Variants in LRP4 observed in about 807,000 individuals in gnomAD.
LRP4 encodes LDL receptor related protein 4.
LRP4 carries 95 observed loss-of-function variants against 220.3 expected under a neutral mutation model. The observed-to-expected ratio is 0.43, with a 90% confidence interval of 0.37 to 0.51. LRP4 has a LOEUF of 0.51. Among genes scored for constraint, LRP4 ranks in the 20% least tolerant of loss-of-function variants. The probability of loss-of-function intolerance (pLI) is 0.00; values close to 1 mark genes in which losing one functional copy is unlikely to be tolerated. For missense variants in LRP4, 1,925 were observed against 2,567.0 expected, an observed-to-expected ratio of 0.75 and a Z score of 5.40; for synonymous variants, 903 against 954.6, an observed-to-expected ratio of 0.95 and a Z score of 1.00.
At position 46,899,725 on chromosome 11, in the gene LRP4, C is replaced by A. The variant is rs1172166938; in HGVS notation, c.430+138G>T. ...CTGGGGGGTCTGAGCGGCTCTGCCC[C>A]CTCTGCGTTCCTCTAGCTGCTCCAG... On this transcript the variant is annotated intron_variant, in intron 4 of 37. Coordinates refer to ENST00000378623, the MANE Select transcript of LRP4 (RefSeq NM_002334.4). This position sits in a 1 kb window ranked among gnomAD's most constrained non-coding sequence, Gnocchi z 5.9. The A allele has an allele frequency of 1.3e-5, 11 of 841,838 alleles. No homozygotes were observed. Among genetic ancestry groups the A allele is most frequent in the Middle Eastern group, 4.3e-4 (2 of 4,626 alleles). The allele number at this position is 841,838 out of a possible 1,614,324, so 52.1% of individuals were successfully genotyped here. A position where few individuals can be genotyped will look rare whatever the true frequency, so the allele number is the denominator to read the frequency against.
rs1165167311 is a variant in LRP4 at position 46,898,848 on chromosome 11, C to G, written c.676+56G>C. On this transcript the variant is annotated intron_variant, in intron 6 of 37. Coordinates refer to ENST00000378623, the MANE Select transcript of LRP4 (RefSeq NM_002334.4). ...CCAGCTGGCGACTGTGCCTTGCCAC[C>G]CAAGCAGTTCTTCCCAGCCTGGCCT... 4 of 1,612,804 alleles carry G rather than the reference C, an allele frequency of 2.5e-6. No individual in the cohort carries two copies. The East Asian group carries it at 8.9e-5, about 36-fold the overall frequency.
chr11:46,895,845 C>G (rs767614166), intron 10 of LRP4, 39 bp downstream of exon 10: 1 of 1,606,554 alleles, frequency 6.2e-7, no homozygotes, highest in Admixed American at 1.7e-5. Context: ...TGCCCCTGCT[C>G]AGAACCCCGA....
Position 46,857,157 on chromosome 11 carries a change from A to C in LRP4, c.*1826T>G, listed in dbSNP as rs1419010521. On this transcript the variant is annotated 3_prime_UTR_variant, in exon 38 of 38. Coordinates refer to ENST00000378623, the MANE Select transcript of LRP4 (RefSeq NM_002334.4). ...CCAATCAAGAAAATGCCACTTTTCT[A>C]CTTGCTCTTCCTCCCCAGACGTGAG... 1 of 145,066 alleles carries C rather than the reference A, an allele frequency of 6.9e-6. No individual in the cohort carries two copies. Among genetic ancestry groups the C allele is most frequent in the Non-Finnish European group, 1.5e-5 (1 of 67,996 alleles). 9.0% of individuals were successfully genotyped at this position (145,066 alleles called of 1,614,324 possible). A position where few individuals can be genotyped will look rare whatever the true frequency, so the allele number is the denominator to read the frequency against.
At position 46,873,557 on chromosome 11, in the gene LRP4, C is replaced by A; in HGVS notation, c.4266G>T (p.Val1422=). ...ADLNGSNMET[V]IGRGLKTTDG... The stretch of plus-strand genomic sequence containing the variant: ...CAGTGGTCTTCAGCCCTCGCCCGAT[C>A]ACTGTCTCCATGTTGCTGCCGTTCA... The change falls in exon 29 of 38, where the codon GTG becomes GTT. Residue 1422 remains valine (V), a synonymous_variant. Coordinates refer to ENST00000378623, the MANE Select transcript of LRP4 (RefSeq NM_002334.4). The surrounding 1 kb of genome is among the most constrained non-coding windows in gnomAD (Gnocchi z 4.2). 1 of 1,613,972 alleles carries A rather than the reference C, an allele frequency of 6.2e-7. No individual in the cohort carries two copies. The highest frequency in any genetic ancestry group is 8.5e-7 in the Non-Finnish European group (1 of 1,179,846).
In LRP4 at chr11:46,896,191, GC is replaced by G. The variant is rs1565797480; in HGVS notation, c.1048+18del. The G allele has an allele frequency of 6.2e-7, 1 of 1,613,054 alleles. No individual in the cohort carries two copies. The highest frequency in any genetic ancestry group is 1.3e-5 in the African/African-American group (1 of 74,924). Reference sequence around the variant, plus strand: ...CGGCCACAAACCATGGGCCAGGTCCGCCCACTGGGGACACTCACGGCAATTC... The same window carrying G: ...CGGCCACAAACCATGGGCCAGGTCCGCCACTGGGGACACTCACGGCAATTC... On this transcript the variant is annotated intron_variant, in intron 9 of 37. Coordinates refer to ENST00000378623, the MANE Select transcript of LRP4 (RefSeq NM_002334.4).
chr11:46,862,719 C>T lies in LRP4; in HGVS notation c.5272G>A (p.Gly1758Arg). ...RHKKSKFTDP[G>R]MGNLTYSNPS... ...TTGCTGTAGGTGAGGTTCCCCATTC[C>T]AGGATCAGTGAACTTGGATTTTTTG... The change falls in exon 37 of 38, where the codon GGA becomes AGA. Residue 1758 changes from glycine (G) to arginine (R), a missense_variant. Transcript: ENST00000378623. 6.2e-7 allele frequency: 1 copy of T among 1,613,970 alleles called. No individual in the cohort carries two copies. Among genetic ancestry groups the T allele is most frequent in the Non-Finnish European group, 8.5e-7 (1 of 1,179,984 alleles).
chr11:46,891,263 G>A (rs1329932447), intron 13 of LRP4, among the ~76,000 whole-genome samples: 1 of 151,964 alleles, frequency 6.6e-6, no homozygotes. Flanking sequence ...ACAGGCACCC[G>A]CCACCATGCC....
rs571233806 is a variant in LRP4 at position 46,875,234 on chromosome 11, A to G, written c.3926-131T>C. The G allele has an allele frequency of 2.9e-6, 3 of 1,020,354 alleles. No individual in the cohort carries two copies. The highest frequency in any genetic ancestry group is 1.6e-5 in the African/African-American group (1 of 63,214). The allele number at this position is 1,020,354 out of a possible 1,614,324, so 63.2% of individuals were successfully genotyped here. On this transcript the variant is annotated intron_variant, in intron 27 of 37. Transcript: ENST00000378623. This position sits in a 1 kb window ranked among gnomAD's most constrained non-coding sequence, Gnocchi z 4.5. ...GATTCAGTGCCTGGCAGGGTGAGGTAGAAGGAGGGTCTGCAGGAGGATCTC... is the reference window on the plus strand; with the variant it reads ...GATTCAGTGCCTGGCAGGGTGAGGTGGAAGGAGGGTCTGCAGGAGGATCTC...
rs370400458 is a variant in LRP4, at chr11:46,883,983, A to G, written c.2507-7T>C. ...ACTTCAATCCGGTCTGTACCTATCA[A>G]GAAGGGATACAGAGATTAATTCTAG... On this transcript the variant is annotated splice_polypyrimidine_tract_variant and splice_region_variant and intron_variant, in intron 18 of 37. Transcript: ENST00000378623. The G allele has an allele frequency of 3.1e-6, 5 of 1,601,982 alleles. No individual in the cohort carries two copies. The highest frequency in any genetic ancestry group is 4.3e-6 in the Non-Finnish European group (5 of 1,169,014).
chr11:46,862,321 A>AT (rs1940578969), intron 37 of LRP4, among the ~76,000 whole-genome samples: 1 of 152,056 alleles, frequency 6.6e-6, no homozygotes, highest in African/African-American at 2.4e-5. Context: ...GAAAGAACCT[A>AT]TAAGCTTGGA....
At chr11:46,860,940 A>G (rs954418833) in intron 37 of LRP4, 3 of 985,056 alleles carry the variant, frequency 3.0e-6, no homozygotes, top group Non-Finnish European at 3.6e-6. Context: ...TGAAATCAAG[A>G]GGAAATCAGA....
At chr11:46,886,655 C>G in intron 16 of LRP4, 122 bp from the exon 17 acceptor site, 1 of 811,394 alleles carries the variant, frequency 1.2e-6, no homozygotes, top group Non-Finnish European at 2.1e-6. Flanking sequence ...GTGCCCTTTG[C>G]CCCCTATACT....
intron 1 of LRP4, among the ~76,000 whole-genome samples, chr11:46,904,136 G>A (rs1021650618): frequency 4.6e-5 from 7 of 152,206 alleles, no homozygotes; most frequent in Non-Finnish European, 8.8e-5. Context: ...GGAGGGGGCC[G>A]CAGCGCATGG....
At position 46,873,735 on chromosome 11, in the gene LRP4, A is replaced by G; in HGVS notation, c.4230-142T>C. ...CCAGGTATCTATGAGTACATTCCTC[A>G]GCACCCAGCATGATAGATGTTCAAT... is the stretch of plus-strand genomic sequence containing the variant. On this transcript the variant is annotated intron_variant, in intron 28 of 37. Coordinates refer to ENST00000378623, the MANE Select transcript of LRP4 (RefSeq NM_002334.4). This position sits in a 1 kb window ranked among gnomAD's most constrained non-coding sequence, Gnocchi z 4.2. 1 of 630,608 alleles carries G rather than the reference A, an allele frequency of 1.6e-6. No individual in the cohort carries two copies. Among genetic ancestry groups the G allele is most frequent in the East Asian group, 2.7e-5 (1 of 37,160 alleles). The allele number at this position is 630,608 out of a possible 1,614,324, so 39.1% of individuals were successfully genotyped here.
rs1940448132 is a variant in LRP4, at chr11:46,858,765, T to C, written c.*218A>G. ...ACAAGATGTGAGGTTCATGGTAAAA[T>C]CCAGGTCTAAATTCTCGTGATGTGC... On this transcript the variant is annotated 3_prime_UTR_variant, in exon 38 of 38. Coordinates refer to ENST00000378623, the MANE Select transcript of LRP4 (RefSeq NM_002334.4). 16 of 609,922 alleles carry C rather than the reference T, an allele frequency of 2.6e-5. No individual in the cohort carries two copies. In the South Asian group the frequency reaches 2.9e-4, roughly 11 times the overall value. The allele number at this position is 609,922 out of a possible 1,614,324, so 37.8% of individuals were successfully genotyped here.
At chr11:46,860,529 C>A (rs1456437193) in intron 37 of LRP4, among the ~76,000 whole-genome samples, 2 of 152,148 alleles carry the variant, frequency 1.3e-5, no homozygotes, top group Admixed American at 1.3e-4. Context: ...GAAAATGGAT[C>A]ATCTTGGGTT....
Position 46,890,763 on chromosome 11 carries a change from T to C in LRP4, c.1698-269A>G, listed in dbSNP as rs1256957863. On this transcript the variant is annotated intron_variant, in intron 13 of 37. Transcript: ENST00000378623. This position sits in a 1 kb window ranked among gnomAD's most constrained non-coding sequence, Gnocchi z 5.3. ...AGCTAGTATCGCTACACCTAACTAA[T>C]TTTTTTTTGTAGTAGAGATGAGGTC... 6.6e-6 allele frequency among the ~76,000 whole-genome samples: 1 copy of C among 151,170 alleles called. No homozygotes were observed. The highest frequency in any genetic ancestry group is 6.6e-5 in the Admixed American group (1 of 15,158).
At chr11:46,884,917 T>A (rs1195314620) in intron 18 of LRP4, among the ~76,000 whole-genome samples, 1 of 151,656 alleles carries the variant, frequency 6.6e-6, no homozygotes, top group Non-Finnish European at 1.5e-5. Context: ...ATCTCAAAAT[T>A]TAAAAAAGAA....
In LRP4 at chr11:46,918,283, A is replaced by T. The variant is rs1941983850; in HGVS notation, c.52+45T>A. The T allele has an allele frequency of 6.7e-7, 1 of 1,503,548 alleles. No individual in the cohort carries two copies. Among genetic ancestry groups the T allele is most frequent in the African/African-American group, 1.4e-5 (1 of 69,510 alleles). The allele number at this position is 1,503,548 out of a possible 1,614,324, so 93.1% of individuals were successfully genotyped here. On this transcript the variant is annotated intron_variant, in intron 1 of 37. Coordinates refer to ENST00000378623, the MANE Select transcript of LRP4 (RefSeq NM_002334.4). This position sits in a 1 kb window ranked among gnomAD's most constrained non-coding sequence, Gnocchi z 6.0. ...CCAGGTCCCGGGAGGCGAGTCCTGC[A>T]GCGGCCGGACCCAGGGACAAACTTT...
Sources: gnomAD v4.1 joint callset for allele counts (sites outside exome capture counted in the v4.1 genomes callset) on GRCh38, gnomAD v4.1.1 for gene constraint, Gnocchi (gnomAD v3.1) non-coding constraint, MANE v1.5 for transcripts, NCBI Gene and HGNC (gene_info 2026-07-23, HGNC 2026-07-21) for gene names.